The following MRPL14 variants were observed in gnomAD, a reference collection of about 807,000 sequenced individuals.
MRPL14 encodes the protein mitochondrial ribosomal protein L14, also known as large ribosomal subunit protein uL14m.
A neutral mutation model predicts 10.9 loss-of-function variants in MRPL14; 8 were observed. The ratio of observed to expected loss-of-function variants is 0.74; its 90% CI spans 0.43 to 1.33. The LOEUF is 1.33. MRPL14 is among the 40% of genes most tolerant of loss of function. MRPL14 has a pLI of 0.01. For synonymous variants in MRPL14, 82 were observed against 74.1 expected (o/e 1.11, Z -0.54); for missense variants, 179 against 194.5 (o/e 0.92, Z 0.47).
chr6:44,122,319 G>A (rs1365463469), intron 1 of MRPL14, among the ~76,000 whole-genome samples: 4 of 152,028 alleles, frequency 2.6e-5, no homozygotes, highest in Non-Finnish European at 5.9e-5. Context: ...TCCTGACCTC[G>A]TGATCCGCCT....
At chr6:44,116,734 C>T in intron 1 of MRPL14, 105 bp from the exon 2 acceptor site, 1 of 722,214 alleles carries the variant, frequency 1.4e-6, no homozygotes, top group South Asian at 1.5e-5. Flanking sequence ...AGCACAAGAT[C>T]ATTAGTCACA....
Position 44,113,473 on chromosome 6 carries a change from T to G in MRPL14, c.*370A>C. ...ATCTTTTGGTTAGAGCCATGGTACA[T>G]TTATAAATTGGCATTTGGTGTGTAC... On this transcript the variant is annotated 3_prime_UTR_variant, in exon 3 of 3. Coordinates refer to ENST00000372014, the MANE Select transcript of MRPL14 (RefSeq NM_032111.4). 1.1e-5 allele frequency: 2 copies of G among 174,126 alleles called. No homozygotes were observed. The highest frequency in any genetic ancestry group is 1.2e-5 in the Non-Finnish European group (1 of 83,250). 10.8% of individuals were successfully genotyped at this position (174,126 alleles called of 1,614,324 possible). A position where few individuals can be genotyped will look rare whatever the true frequency, so the allele number is the denominator to read the frequency against.
At chr6:44,116,654 A>C in intron 1 of MRPL14, 25 bp from the exon 2 acceptor site, 1 of 1,587,250 alleles carries the variant, frequency 6.3e-7, no homozygotes, top group Non-Finnish European at 8.7e-7. Flanking sequence ...AGAGGGGGAA[A>C]AATTGGTTTC....
chr6:44,120,722 CAGT>C (rs1776316001), intron 1 of MRPL14, among the ~76,000 whole-genome samples: 1 of 152,292 alleles, frequency 6.6e-6, no homozygotes, highest in East Asian at 1.9e-4. Context: ...GTCCTGATAA[CAGT>C]AGGAGTGCAA....
chr6:44,120,239 C>T (rs1427076777), intron 1 of MRPL14, among the ~76,000 whole-genome samples: 2 of 152,242 alleles, frequency 1.3e-5, no homozygotes, highest in Non-Finnish European at 2.9e-5. Context: ...GCCAGTGCAA[C>T]ACTCACTGAA....
chr6:44,116,691 T>TAA (rs780681718), intron 1 of MRPL14, 62 bp from the exon 2 acceptor site: 145 of 1,153,290 alleles, frequency 1.3e-4, no homozygotes, highest in Non-Finnish European at 1.8e-4. Context: ...AAGCCAGTTT[T>TAA]CTTTGGGGAC....
In MRPL14 at chr6:44,127,444, C is replaced by T. The variant is rs577194297; in HGVS notation, c.-119G>A. The T allele has an allele frequency of 1.3e-5, 2 of 151,976 alleles. No homozygotes were observed. Among genetic ancestry groups the T allele is most frequent in the Non-Finnish European group, 2.9e-5 (2 of 67,948 alleles). The allele number at this position is 151,976 out of a possible 1,614,324, so 9.4% of individuals were successfully genotyped here. A position where few individuals can be genotyped will look rare whatever the true frequency, so the allele number is the denominator to read the frequency against. On this transcript the variant is annotated 5_prime_UTR_variant, in exon 1 of 3. Coordinates refer to ENST00000372014, the MANE Select transcript of MRPL14 (RefSeq NM_032111.4). ...CTAGCGCCTGCGCGCCAGGCCCAGCCCGGCGGACGCGATCTGAGAGTGCGC... is the reference window on the plus strand; with the variant it reads ...CTAGCGCCTGCGCGCCAGGCCCAGCTCGGCGGACGCGATCTGAGAGTGCGC...
In MRPL14 at chr6:44,114,032, C is replaced by T. The variant is rs114324125; in HGVS notation, c.249G>A (p.Lys83=). The T allele has an allele frequency of 2.1e-3, 3,464 of 1,614,184 alleles. 45 individuals are homozygous for T. In the African/African-American group the frequency reaches 0.036, roughly 17 times the overall value. Residue 83 remains lysine, a synonymous_variant, in exon 3 of 3, where the codon AAG becomes AAA. Transcript: ENST00000372014. ...GCATGCAGTGCCCCACAATGAGCGC[C>T]TTTTTCTTCTGTCCCTTGATGGCCA... ...ILLAIKGQKK[K]ALIVGHCMPG... is the part of the protein sequence containing the mutation.
intron 1 of MRPL14, among the ~76,000 whole-genome samples, chr6:44,126,472 C>A (rs1400462507): frequency 6.6e-6 from 1 of 152,216 alleles, no homozygotes; most frequent in Admixed American, 6.5e-5. Context: ...CCAAACCCCC[C>A]AGGTGGGCAG....
intron 1 of MRPL14, among the ~76,000 whole-genome samples, chr6:44,121,578 C>A (rs1776416696): frequency 6.6e-6 from 1 of 152,236 alleles, no homozygotes; most frequent in Admixed American, 6.5e-5. Context: ...CTGCTCAGTG[C>A]CAGACACTCA....
At chr6:44,125,030 T>C (rs75085622) in intron 1 of MRPL14, among the ~76,000 whole-genome samples, 1,834 of 152,314 alleles carry the variant, frequency 0.012, 28 homozygotes, top group African/African-American at 0.041. Flanking sequence ...AAGAAGAGTC[T>C]AAATAACCAT....
At chr6:44,117,538 C>T (rs568311655) in intron 1 of MRPL14, among the ~76,000 whole-genome samples, 17 of 152,330 alleles carry the variant, frequency 1.1e-4, no homozygotes, top group African/African-American at 3.6e-4. Flanking sequence ...AGCCTCTACA[C>T]TGTAGTATTT....
chr6:44,114,135 C>G lies in MRPL14; in HGVS notation c.146G>C (p.Ser49Thr), dbSNP rs1433783553. 2 of 1,614,184 alleles carry G rather than the reference C, an allele frequency of 1.2e-6. No homozygotes were observed. The highest frequency in any genetic ancestry group is 1.7e-6 in the Non-Finnish European group (2 of 1,180,038). The change falls in exon 3 of 3, where the codon AGC becomes ACC. Residue 49 changes from serine to threonine, a missense_variant. Ser to Thr is a moderately conservative substitution (Grantham distance 58). Coordinates refer to ENST00000372014, the MANE Select transcript of MRPL14 (RefSeq NM_032111.4). ...GCAGCGAGGAGCCCGATGGTATGGGCTGTTCCCCAGGGCACTGTTGTCCAC... is the reference window on the plus strand; with the variant it reads ...GCAGCGAGGAGCCCGATGGTATGGGGTGTTCCCCAGGGCACTGTTGTCCAC... Reference protein sequence around the residue: ...RVVDNSALGNSPYHRAPRCIH... With the variant: ...RVVDNSALGNTPYHRAPRCIH...
chr6:44,116,477 T>C, intron 2 of MRPL14, 64 bp downstream of exon 2: 1 of 1,518,654 alleles, frequency 6.6e-7, no homozygotes, highest in Admixed American at 1.7e-5. Flanking sequence ...GTCACCGTAA[T>C]ACCCAGCCCT....
At position 44,113,694 on chromosome 6, in the gene MRPL14, T is replaced by G. The variant is rs930365949; in HGVS notation, c.*149A>C. ...TCCCAGAAAGCTCTGGAAAAACACA[T>G]AAATGAATACATTTATTCTCTCACA... On this transcript the variant is annotated 3_prime_UTR_variant, in exon 3 of 3. Coordinates refer to ENST00000372014, the MANE Select transcript of MRPL14 (RefSeq NM_032111.4). The G allele has an allele frequency of 1.3e-6, 1 of 798,352 alleles. No individual in the cohort carries two copies. Among genetic ancestry groups the G allele is most frequent in the Admixed American group, 3.4e-5 (1 of 29,560 alleles). The allele number at this position is 798,352 out of a possible 1,614,324, so 49.5% of individuals were successfully genotyped here.
rs1002835070 is a variant in MRPL14 at position 44,114,089 on chromosome 6, A to G, written c.192T>C (p.Asn64=). ...APRCIHVYKK[N]GVGKVGDQIL... is the part of the protein sequence containing the mutation. ...TCTGGTCGCCCACCTTGCCCACTCC[A>G]TTCTTCTTATAGACATGGATGCAGC... Residue 64 remains asparagine, a synonymous_variant, in exon 3 of 3, where the codon AAT becomes AAC. Transcript: ENST00000372014. 6.2e-7 allele frequency: 1 copy of G among 1,613,982 alleles called. No individual in the cohort carries two copies. Among genetic ancestry groups the G allele is most frequent in the Non-Finnish European group, 8.5e-7 (1 of 1,180,002 alleles).
At chr6:44,125,622 G>T (rs1464640556) in intron 1 of MRPL14, among the ~76,000 whole-genome samples, 1 of 118,004 alleles carries the variant, frequency 8.5e-6, no homozygotes, top group Non-Finnish European at 1.6e-5. Context: ...GCTGCACCCA[G>T]ATCTCCCCAG....
intron 1 of MRPL14, among the ~76,000 whole-genome samples, chr6:44,118,017 G>C (rs1470890270): frequency 6.6e-6 from 1 of 151,798 alleles, no homozygotes; most frequent in Admixed American, 6.6e-5. Flanking sequence ...CTACAATTTA[G>C]CCTCAAATCC....
chr6:44,116,472 C>G lies in MRPL14; in HGVS notation c.71+69G>C. Reference sequence around the variant, plus strand: ...GAGTTTTTACTCCTGTTCTAGTCACCGTAATACCCAGCCCTGATAGGAAGC... The same window carrying G: ...GAGTTTTTACTCCTGTTCTAGTCACGGTAATACCCAGCCCTGATAGGAAGC... On this transcript the variant is annotated intron_variant, in intron 2 of 2. Coordinates refer to ENST00000372014, the MANE Select transcript of MRPL14 (RefSeq NM_032111.4). The G allele has an allele frequency of 2.0e-6, 3 of 1,494,072 alleles. No individual in the cohort carries two copies. The South Asian group carries it at 3.4e-5, about 17-fold the overall frequency. 92.6% of individuals were successfully genotyped at this position (1,494,072 alleles called of 1,614,324 possible). A position where few individuals can be genotyped will look rare whatever the true frequency, so the allele number is the denominator to read the frequency against.
Sources: gnomAD v4.1 joint callset for allele counts (sites outside exome capture counted in the v4.1 genomes callset) on GRCh38, gnomAD v4.1.1 for gene constraint, MANE v1.5 for transcripts, NCBI Gene and HGNC (gene_info 2026-07-23, HGNC 2026-07-21) for gene names.